Variants in LVRN observed in about 807,000 individuals in gnomAD.
LVRN encodes the protein aminopeptidase Q.
Under a neutral mutation model 111.4 loss-of-function variants are expected in LVRN, and 99 were observed. That is an observed-to-expected ratio of 0.89 (90% confidence interval 0.76 to 1.05). The LOEUF (loss-of-function observed/expected upper bound fraction) is 1.05. Ranked by LOEUF, LVRN falls within the 50% of genes least tolerant of loss-of-function variation. LVRN has a pLI of 0.00. For synonymous variants in LVRN, 488 were observed against 449.5 expected (o/e 1.09, Z -1.08); for missense variants, 1,414 against 1,206.8 (o/e 1.17, Z -2.54).
At chr5:116,010,718 G>C (rs1291177077) in intron 13 of LVRN, 23 bp from the exon 14 acceptor site, 1 of 1,573,704 alleles carries the variant, frequency 6.4e-7, no homozygotes, top group South Asian at 1.2e-5. Context: ...TTTTTTGAGT[G>C]TGTGTGTTTT....
chr5:115,993,539 T>A (rs1264575618), intron 5 of LVRN, among the ~76,000 whole-genome samples: 2 of 152,218 alleles, frequency 1.3e-5, no homozygotes, highest in Admixed American at 6.5e-5. Flanking sequence ...ATGGAATATT[T>A]CTGAGAAATG....
chr5:116,024,554 C>T (rs1291518636), intron 19 of LVRN, among the ~76,000 whole-genome samples: 2 of 152,174 alleles, frequency 1.3e-5, no homozygotes, highest in Non-Finnish European at 2.9e-5. Context: ...AAGCACATTA[C>T]ACCCAGAACA....
intron 19 of LVRN, among the ~76,000 whole-genome samples, chr5:116,022,715 C>T (rs1487239521): frequency 6.6e-6 from 1 of 152,200 alleles, no homozygotes; most frequent in Non-Finnish European, 1.5e-5. Flanking sequence ...CCAGGGTTCC[C>T]GTCCCAGACC....
At chr5:116,004,491 C>A (rs1748314275) in intron 12 of LVRN, among the ~76,000 whole-genome samples, 1 of 152,186 alleles carries the variant, frequency 6.6e-6, no homozygotes, top group African/African-American at 2.4e-5. Flanking sequence ...AGGCACACAG[C>A]AATCTCTCTA....
chr5:116,000,676 T>C lies in LVRN; in HGVS notation c.1647+18T>C. 1 of 1,611,786 alleles carries C rather than the reference T, an allele frequency of 6.2e-7. No homozygotes were observed. The highest frequency in any genetic ancestry group is 1.1e-5 in the South Asian group (1 of 90,964). On this transcript the variant is annotated intron_variant, in intron 9 of 19. Coordinates refer to ENST00000357872, the MANE Select transcript of LVRN (RefSeq NM_173800.5). The stretch of plus-strand genomic sequence containing the variant: ...TTCAAATGGTAATTGTCCTACTTTC[T>C]GACACATTCTTGCTGAGTTGTTTTG...
Position 116,010,893 on chromosome 5 carries a change from A to G in LVRN, c.2246A>G (p.Lys749Arg), listed in dbSNP as rs777456987. 8 of 1,553,442 alleles carry G rather than the reference A, an allele frequency of 5.1e-6. No individual in the cohort carries two copies. The East Asian group carries it at 1.4e-4, about 26-fold the overall frequency. ...ATCTATGATATATACTCATTATTAA[A>G]GGTAATTTCATTCTTTCTTATGTAG... Reference protein sequence around the residue: ...VNIYDIYSLLKRYLLKRLNLI... With the variant: ...VNIYDIYSLLRRYLLKRLNLI... Residue 749 changes from lysine to arginine, a missense_variant and splice_region_variant, in exon 14 of 20, where the codon AAG (lysine) becomes AGG (arginine). By Grantham distance (26) the Lys-to-Arg change is conservative. Transcript: ENST00000357872.
At chr5:116,025,787 A>G (rs959466400) in intron 19 of LVRN, among the ~76,000 whole-genome samples, 191 bp from the exon 20 acceptor site, 1 of 152,170 alleles carries the variant, frequency 6.6e-6, no homozygotes, top group African/African-American at 2.4e-5. Context: ...TCTTTGGGGT[A>G]GGTGTGGTGT....
intron 18 of LVRN, among the ~76,000 whole-genome samples, chr5:116,019,470 C>A (rs1482744326): frequency 6.6e-6 from 1 of 152,228 alleles, no homozygotes; most frequent in Non-Finnish European, 1.5e-5. Flanking sequence ...GTTGCACATT[C>A]TACGGGTGTT....
intron 2 of LVRN, among the ~76,000 whole-genome samples, 197 bp downstream of exon 2, chr5:115,983,626 A>G (rs1747770728): frequency 6.6e-6 from 1 of 152,190 alleles, no homozygotes; most frequent in South Asian, 2.1e-4. Context: ...CTTTGGTATA[A>G]GAAGCTGAGG....
Position 115,962,529 on chromosome 5 carries a change from G to A in LVRN, c.-89G>A. The stretch of plus-strand genomic sequence containing the variant: ...GGCACGATACAAGAGAGGAGGGGCA[G>A]GGGTCGCAGCACTGAACACCCTGGC... On this transcript the variant is annotated 5_prime_UTR_variant, in exon 1 of 20. Coordinates refer to ENST00000357872, the MANE Select transcript of LVRN (RefSeq NM_173800.5). 1.7e-6 allele frequency: 2 copies of A among 1,176,878 alleles called. No homozygotes were observed. Among genetic ancestry groups the A allele is most frequent in the Middle Eastern group, 2.0e-4 (1 of 5,016 alleles). The allele number at this position is 1,176,878 out of a possible 1,614,324, so 72.9% of individuals were successfully genotyped here.
In LVRN at chr5:116,002,813, T is replaced by A. The variant is rs766120416; in HGVS notation, c.1821-22T>A. On this transcript the variant is annotated intron_variant, in intron 10 of 19. Coordinates refer to ENST00000357872, the MANE Select transcript of LVRN (RefSeq NM_173800.5). ...TTTTTATGTGTGAAAAGTAACTAAT[T>A]TTTTTATTTTCTTCCAATAAGTGAC... The A allele has an allele frequency of 3.2e-5, 50 of 1,547,280 alleles. No individual in the cohort carries two copies. The South Asian group carries it at 4.7e-4, about 15-fold the overall frequency.
Position 115,963,295 on chromosome 5 carries a change from C to G in LVRN, c.678C>G (p.Thr226=). ...LREGLFLNVY[T]DQGERRALLA... ...AGGGACTCTTCCTCAACGTCTACAC[C>G]GACCAGGGCGAGCGCAGGTAAGGGC... Residue 226 remains threonine, a synonymous_variant, in exon 1 of 20, where the codon ACC becomes ACG. Transcript: ENST00000357872. The G allele has an allele frequency of 6.2e-7, 1 of 1,609,490 alleles. No individual in the cohort carries two copies. Among genetic ancestry groups the G allele is most frequent in the Non-Finnish European group, 8.5e-7 (1 of 1,178,264 alleles).
intron 10 of LVRN, among the ~76,000 whole-genome samples, chr5:116,001,730 C>T (rs993837431): frequency 2.6e-5 from 4 of 152,104 alleles, no homozygotes; most frequent in African/African-American, 9.7e-5. Flanking sequence ...TGTAGCCATA[C>T]CCACAACATT....
At chr5:116,018,339 A>C (rs1748643324) in intron 18 of LVRN, among the ~76,000 whole-genome samples, 1 of 152,128 alleles carries the variant, frequency 6.6e-6, no homozygotes, top group South Asian at 2.1e-4. Flanking sequence ...TTATGAGAGT[A>C]CTACTGAAAA....
chr5:116,026,218 A>G lies in LVRN; in HGVS notation c.*100A>G, dbSNP rs966690127. The G allele has an allele frequency of 3.3e-6, 5 of 1,504,226 alleles. No individual in the cohort carries two copies. The highest frequency in any genetic ancestry group is 1.2e-5 in the South Asian group (1 of 83,140). The allele number at this position is 1,504,226 out of a possible 1,614,324, so 93.2% of individuals were successfully genotyped here. On this transcript the variant is annotated 3_prime_UTR_variant, in exon 20 of 20. Coordinates refer to ENST00000357872, the MANE Select transcript of LVRN (RefSeq NM_173800.5). ...GTGAGTCTGGAAAACCACACATTTT[A>G]TTTGTATTTCAGTCACATTTATTAC...
In LVRN at chr5:116,017,507, A is replaced by G. The variant is rs143907820; in HGVS notation, c.2756+1742A>G. 2.9e-3 allele frequency among the ~76,000 whole-genome samples: 435 copies of G among 152,306 alleles called. 4 individuals carry two copies. The highest frequency in any genetic ancestry group is 0.01 in the African/African-American group (417 of 41,566). On this transcript the variant is annotated intron_variant, in intron 18 of 19. Transcript: ENST00000357872. ...AGGTTTCTTCCTCTAAGAACTATGG[A>G]AAGTGTCTCTTCATTACTGTCCTTT...
Position 116,026,924 on chromosome 5 carries a change from G to A in LVRN, c.*806G>A, listed in dbSNP as rs1055849614. 6.6e-6 allele frequency: 1 copy of A among 152,206 alleles called. No individual in the cohort carries two copies. Among genetic ancestry groups the A allele is most frequent in the Admixed American group, 6.5e-5 (1 of 15,280 alleles). The allele number at this position is 152,206 out of a possible 1,614,324, so 9.4% of individuals were successfully genotyped here. On this transcript the variant is annotated 3_prime_UTR_variant, in exon 20 of 20. Coordinates refer to ENST00000357872, the MANE Select transcript of LVRN (RefSeq NM_173800.5). ...GCCTAAGCGTACGAGTGAAAACAAT[G>A]ATGTCAAAAGACAATAGCAAGTATA...
chr5:115,999,769 T>A lies in LVRN; in HGVS notation c.1382T>A (p.Ile461Asn), dbSNP rs1422758050. The part of the protein sequence containing the change: ...YFNPKLPRNE[I>N]FFSNILHNIL... ...CCATCTTTTCCTTTATAGAATGAGA[T>A]CTTTTTTTCTAACATTTTACATAAT... The change falls in exon 7 of 20, where the codon ATC (isoleucine) becomes AAC (asparagine). Residue 461 changes from isoleucine to asparagine, a missense_variant. Transcript: ENST00000357872. The A allele has an allele frequency of 1.9e-5, 31 of 1,613,310 alleles. No individual in the cohort carries two copies. Among genetic ancestry groups the A allele is most frequent in the Non-Finnish European group, 2.6e-5 (31 of 1,179,736 alleles).
chr5:116,015,155 A>C, intron 16 of LVRN, 97 bp from the exon 17 acceptor site: 2 of 881,080 alleles, frequency 2.3e-6, no homozygotes, highest in Non-Finnish European at 3.1e-6. Flanking sequence ...TATATCTGTG[A>C]CTATAAATAT....
Sources: allele counts gnomAD v4.1 joint callset (sites outside exome capture counted in the v4.1 genomes callset), GRCh38; gene constraint gnomAD v4.1.1; transcripts MANE v1.5; gene names NCBI Gene and HGNC (gene_info 2026-07-23, HGNC 2026-07-21).